Variants in CSMD3 observed in about 807,000 individuals in gnomAD.
The protein encoded by CSMD3 is CUB and Sushi multiple domains 3.
Under a neutral mutation model 435.2 loss-of-function variants are expected in CSMD3, and 177 were observed. The observed-to-expected ratio is 0.41, with a 90% CI of 0.36 to 0.46. The LOEUF (loss-of-function observed/expected upper bound fraction) is 0.46, where lower values mean the gene tolerates loss of function less well. Among genes scored for constraint, CSMD3 ranks in the 20% least tolerant of loss-of-function variants. The probability of loss-of-function intolerance (pLI) is 0.34; values close to 1 mark genes in which losing one functional copy is unlikely to be tolerated. For missense variants in CSMD3, 4,265 were observed against 4,504.6 expected (o/e 0.95, Z 1.52); for synonymous variants, 1,656 against 1,520.5 (o/e 1.09, Z -2.07).
chr8:112,890,970 T>A (rs2081769172), intron 10 of CSMD3, among the ~76,000 whole-genome samples: 1 of 151,708 alleles, frequency 6.6e-6, no homozygotes, highest in Non-Finnish European at 1.5e-5. Context: ...AAGATTGCAG[T>A]TAGCTCTCAG....
intron 12 of CSMD3, among the ~76,000 whole-genome samples, chr8:112,802,123 A>T (rs1286629720): frequency 6.6e-6 from 1 of 151,700 alleles, no homozygotes; most frequent in African/African-American, 2.4e-5. Flanking sequence ...ATAATAATAA[A>T]ATATATATAT....
At chr8:113,102,203 T>A (rs191231510) in intron 4 of CSMD3, among the ~76,000 whole-genome samples, 1 of 152,262 alleles carries the variant, frequency 6.6e-6, no homozygotes, top group African/African-American at 2.4e-5. Flanking sequence ...TAATAAATGA[T>A]GTCTACAGCA....
chr8:113,230,890 T>C (rs1439873104), intron 3 of CSMD3, among the ~76,000 whole-genome samples: 1 of 151,514 alleles, frequency 6.6e-6, no homozygotes, highest in Non-Finnish European at 1.5e-5. Context: ...ACTAATTGTG[T>C]CCTTCAGCTT....
intron 59 of CSMD3, among the ~76,000 whole-genome samples, chr8:112,274,381 A>G (rs1256805926): frequency 6.6e-6 from 1 of 152,214 alleles, no homozygotes; most frequent in African/African-American, 2.4e-5. Flanking sequence ...AGAGGAAGCT[A>G]TGCATAGCCC....
intron 2 of CSMD3, chr8:113,311,975 G>A (rs2093872909): frequency 6.6e-6 from 1 of 151,548 alleles, no homozygotes; most frequent in Non-Finnish European, 1.5e-5. Context: ...CTTACCTTTC[G>A]GTTTATATTT....
At chr8:112,333,169 T>C (rs940855330) in intron 45 of CSMD3, among the ~76,000 whole-genome samples, 3 of 152,098 alleles carry the variant, frequency 2.0e-5, no homozygotes, top group East Asian at 3.9e-4. Flanking sequence ...TATTGATTGA[T>C]TGATTGATTG....
At chr8:112,303,604 A>T (rs1427715381) in intron 52 of CSMD3, among the ~76,000 whole-genome samples, 1 of 152,034 alleles carries the variant, frequency 6.6e-6, no homozygotes, top group Non-Finnish European at 1.5e-5. Context: ...AATACAGATG[A>T]TGGCACATTT....
At chr8:112,594,547 G>T (rs912795965) in intron 22 of CSMD3, among the ~76,000 whole-genome samples, 2 of 152,190 alleles carry the variant, frequency 1.3e-5, no homozygotes, top group Non-Finnish European at 2.9e-5. Context: ...GCCTCTGTAG[G>T]CTCCACCTCT....
At chr8:112,703,927 T>C (rs2076443676) in intron 13 of CSMD3, among the ~76,000 whole-genome samples, 1 of 152,116 alleles carries the variant, frequency 6.6e-6, no homozygotes, top group South Asian at 2.1e-4. Context: ...TGAAGTGTTT[T>C]ACAATCATGA....
At chr8:112,522,956 G>T (rs1275135180) in intron 27 of CSMD3, among the ~76,000 whole-genome samples, 1 of 151,888 alleles carries the variant, frequency 6.6e-6, no homozygotes, top group East Asian at 1.9e-4. Flanking sequence ...ATTACTTGAA[G>T]TCAGAGATAA....
At chr8:112,686,761 C>T (rs1241810874) in intron 14 of CSMD3, among the ~76,000 whole-genome samples, 1 of 152,138 alleles carries the variant, frequency 6.6e-6, no homozygotes, top group South Asian at 2.1e-4. Context: ...AATGGGATTA[C>T]AGGCGTGAGC....
At chr8:113,420,391 TA>T (rs915742031) in intron 1 of CSMD3, among the ~76,000 whole-genome samples, 22 of 151,858 alleles carry the variant, frequency 1.4e-4, no homozygotes, top group East Asian at 3.9e-4. Context: ...AATGAGTACT[TA>T]AAAAAAATGT....
intron 31 of CSMD3, among the ~76,000 whole-genome samples, chr8:112,487,864 G>A (rs1820294170): frequency 6.6e-6 from 1 of 152,082 alleles, no homozygotes; most frequent in Admixed American, 6.6e-5. Flanking sequence ...GGATAAGAAT[G>A]ATATATGACT....
intron 27 of CSMD3, among the ~76,000 whole-genome samples, chr8:112,535,014 A>G (rs1825921335): frequency 6.6e-6 from 1 of 152,198 alleles, no homozygotes; most frequent in Non-Finnish European, 1.5e-5. Flanking sequence ...TAAATTAGGT[A>G]TTGATGGGAC....
At chr8:112,578,268 C>G (rs1208291724) in intron 23 of CSMD3, among the ~76,000 whole-genome samples, 1 of 151,832 alleles carries the variant, frequency 6.6e-6, no homozygotes, top group East Asian at 1.9e-4. Context: ...ATTATACGAG[C>G]TAGTATGTTT....
chr8:112,438,532 G>A (rs1814629198), intron 32 of CSMD3, among the ~76,000 whole-genome samples: 1 of 152,038 alleles, frequency 6.6e-6, no homozygotes, highest in African/African-American at 2.4e-5. Context: ...TCTTGGATTT[G>A]CTATTTGAAA....
At chr8:113,078,846 A>G (rs1316717136) in intron 5 of CSMD3, among the ~76,000 whole-genome samples, 1 of 152,160 alleles carries the variant, frequency 6.6e-6, no homozygotes, top group Non-Finnish European at 1.5e-5. Context: ...CAGTCCTCAC[A>G]AAATACCTTC....
intron 13 of CSMD3, among the ~76,000 whole-genome samples, chr8:112,752,912 T>C (rs923848996): frequency 2.8e-4 from 20 of 71,314 alleles, no homozygotes; most frequent in African/African-American, 1.3e-3. Context: ...TGTGTGTGTG[T>C]GTGTGTGTGT....
intron 1 of CSMD3, among the ~76,000 whole-genome samples, chr8:113,356,490 G>T (rs971713087): frequency 6.6e-6 from 1 of 152,076 alleles, no homozygotes; most frequent in African/African-American, 2.4e-5. Context: ...AGGCCAGAGA[G>T]ATTCAAACAA....
Sources: allele counts gnomAD v4.1 joint callset (sites outside exome capture counted in the v4.1 genomes callset), GRCh38; gene constraint gnomAD v4.1.1; transcripts MANE v1.5; gene names NCBI Gene and HGNC (gene_info 2026-07-23, HGNC 2026-07-21).